Variants in RGS6 observed in about 807,000 individuals in gnomAD.
RGS6 encodes regulator of G-protein signaling 6.
Under a neutral mutation model 78.5 loss-of-function variants are expected in RGS6, and 30 were observed. That is an observed-to-expected ratio of 0.38 (90% confidence interval 0.29 to 0.52). The LOEUF is 0.52. Among genes scored for constraint, RGS6 ranks in the 20% least tolerant of loss-of-function variants. The pLI, the probability that RGS6 is intolerant of heterozygous loss-of-function variation, is 0.85. For synonymous variants in RGS6, 206 were observed against 206.0 expected (o/e 1.00, Z 0.00); for missense variants, 495 against 609.7 (o/e 0.81, Z 1.98).
chr14:72,112,349 A>G (rs1274137144), intron 2 of RGS6, among the ~76,000 whole-genome samples: 1 of 152,114 alleles, frequency 6.6e-6, no homozygotes, highest in African/African-American at 2.4e-5. Context: ...TTAGGCTGCT[A>G]AGGTTTTAGG....
At chr14:72,427,240 T>C (rs1411912575) in intron 3 of RGS6, among the ~76,000 whole-genome samples, 4 of 152,246 alleles carry the variant, frequency 2.6e-5, no homozygotes, top group Non-Finnish European at 4.4e-5. Flanking sequence ...TAACTTTTCT[T>C]ACAGTATATT....
At chr14:72,408,224 C>G (rs2093105887) in intron 3 of RGS6, among the ~76,000 whole-genome samples, 1 of 152,144 alleles carries the variant, frequency 6.6e-6, no homozygotes. Flanking sequence ...TAGATCAACT[C>G]GAGTCTGTTT....
the RGS6 span, among the ~76,000 whole-genome samples, chr14:72,597,335 C>A: frequency 6.6e-6 from 1 of 152,188 alleles, no homozygotes; most frequent in African/African-American, 2.4e-5. Context: ...ATATGTTTAG[C>A]ATGGCATCTG....
chr14:72,078,128 A>G (rs2094658260), intron 2 of RGS6, among the ~76,000 whole-genome samples: 1 of 152,138 alleles, frequency 6.6e-6, no homozygotes. Flanking sequence ...CTTCTTATGA[A>G]TGGCTTAGCA....
At chr14:72,387,544 A>G (rs2088580440) in intron 3 of RGS6, among the ~76,000 whole-genome samples, 3 of 151,132 alleles carry the variant, frequency 2.0e-5, no homozygotes, top group South Asian at 2.1e-4. Context: ...GCGAGACTCC[A>G]TCTCAAACAA....
intron 15 of RGS6, among the ~76,000 whole-genome samples, chr14:72,522,668 A>G (rs77624526): frequency 0.028 from 4,127 of 148,578 alleles, 195 homozygotes; most frequent in African/African-American, 0.098. Context: ...ATTTTTCACA[A>G]AATACAATTC....
At chr14:72,597,533 A>G in the RGS6 span, among the ~76,000 whole-genome samples, 1 of 152,206 alleles carries the variant, frequency 6.6e-6, no homozygotes, top group Non-Finnish European at 1.5e-5. Flanking sequence ...AAATCTTTTC[A>G]TTCAAGCTGA....
At chr14:71,898,465 T>C in the RGS6 span, among the ~76,000 whole-genome samples, 2 of 152,248 alleles carry the variant, frequency 1.3e-5, no homozygotes, top group Admixed American at 1.3e-4. Context: ...CATGTGGCTA[T>C]GTACAATAGA....
chr14:72,387,478 G>T (rs917100336), intron 3 of RGS6, among the ~76,000 whole-genome samples: 1 of 151,940 alleles, frequency 6.6e-6, no homozygotes, highest in African/African-American at 2.4e-5. Context: ...GAACCCAGGA[G>T]GCAGAGCTTG....
At chr14:71,974,365 T>C (rs554211404) in intron 2 of RGS6, among the ~76,000 whole-genome samples, 10 of 152,214 alleles carry the variant, frequency 6.6e-5, no homozygotes, top group Admixed American at 3.3e-4. Context: ...TAAAAACTTA[T>C]TTCAATAAGG....
At chr14:72,335,893 C>G (rs1252637470) in intron 2 of RGS6, among the ~76,000 whole-genome samples, 1 of 152,172 alleles carries the variant, frequency 6.6e-6, no homozygotes, top group Admixed American at 6.5e-5. Context: ...AATGCTTTCA[C>G]AGGATCTAGG....
At chr14:72,045,545 C>A (rs926609553) in intron 2 of RGS6, among the ~76,000 whole-genome samples, 3 of 152,068 alleles carry the variant, frequency 2.0e-5, no homozygotes, top group Non-Finnish European at 2.9e-5. Flanking sequence ...CTCTTTTAGA[C>A]GTAATCTAAT....
intron 2 of RGS6, among the ~76,000 whole-genome samples, chr14:71,967,240 A>G (rs1285347002): frequency 6.6e-6 from 1 of 150,616 alleles, no homozygotes; most frequent in South Asian, 2.1e-4. Context: ...ATTAATTACC[A>G]TAAAAGGGAC....
At chr14:72,042,056 A>G (rs555054997) in intron 2 of RGS6, among the ~76,000 whole-genome samples, 15 of 152,134 alleles carry the variant, frequency 9.9e-5, no homozygotes, top group South Asian at 2.1e-4. Context: ...TTTACTGCTT[A>G]ACTTCTGCCT....
intron 2 of RGS6, among the ~76,000 whole-genome samples, chr14:72,228,157 T>C (rs2048595514): frequency 6.6e-6 from 1 of 152,096 alleles, no homozygotes; most frequent in African/African-American, 2.4e-5. Flanking sequence ...GGTGGGTAGA[T>C]AACTTGAGGC....
chr14:72,126,669 T>C (rs2096201504), intron 2 of RGS6, among the ~76,000 whole-genome samples: 1 of 152,242 alleles, frequency 6.6e-6, no homozygotes, highest in African/African-American at 2.4e-5. Context: ...TTGAGTTCTC[T>C]GTTTTGCATG....
intron 2 of RGS6, among the ~76,000 whole-genome samples, chr14:71,967,363 C>T (rs538568956): frequency 6.6e-6 from 1 of 152,218 alleles, no homozygotes; most frequent in East Asian, 1.9e-4. Context: ...CATGGTTGTA[C>T]TTGAACTATG....
intron 2 of RGS6, among the ~76,000 whole-genome samples, chr14:72,060,717 G>A (rs942959514): frequency 2.0e-5 from 3 of 152,196 alleles, no homozygotes; most frequent in Non-Finnish European, 4.4e-5. Context: ...CATCAGCAGA[G>A]TGTTTTGCTT....
intron 15 of RGS6, among the ~76,000 whole-genome samples, chr14:72,520,007 A>G (rs2097012194): frequency 6.6e-6 from 1 of 152,222 alleles, no homozygotes; most frequent in Non-Finnish European, 1.5e-5. Context: ...GCAAACATTT[A>G]TAGACCCTCA....
Sources: allele counts gnomAD v4.1 joint callset (sites outside exome capture counted in the v4.1 genomes callset), GRCh38; gene constraint gnomAD v4.1.1; transcripts MANE v1.5; gene names NCBI Gene and HGNC (gene_info 2026-07-23, HGNC 2026-07-21).